HEPH: variants seen among roughly 807,000 people sequenced by gnomAD.
HEPH encodes the protein hephaestin.
Under a neutral mutation model 80.8 loss-of-function variants are expected in HEPH, and 69 were observed. The ratio of observed to expected loss-of-function variants is 0.85; its 90% CI spans 0.70 to 1.04. The LOEUF (loss-of-function observed/expected upper bound fraction) is 1.04, where lower values mean the gene tolerates loss of function less well. Among genes scored for constraint, HEPH ranks in the 50% least tolerant of loss-of-function variants. The pLI is 0.00. For synonymous variants in HEPH, 431 were observed against 322.8 expected (o/e 1.34, Z -3.60); for missense variants, 1,115 against 891.3 (o/e 1.25, Z -3.20).
intron 9 of HEPH, among the ~76,000 whole-genome samples, chrX:66,197,180 T>TTA (rs759936701): frequency 1.0e-4 from 11 of 110,162 alleles, no homozygotes; most frequent in South Asian, 3.8e-4. Flanking sequence ...CCTTAGTGTT[T>TTA]TATATATATA....
At chrX:66,259,085 A>G (rs2091274071) in intron 18 of HEPH, 106 bp downstream of exon 18, 13 of 606,128 alleles carry the variant, frequency 2.1e-5, no homozygotes, top group Non-Finnish European at 3.1e-5. Flanking sequence ...TTAGTTAAAG[A>G]GCAGAGGTCT....
chrX:66,193,146 G>A (rs914169261), intron 7 of HEPH, among the ~76,000 whole-genome samples: 13 of 111,040 alleles, frequency 1.2e-4, no homozygotes, highest in Non-Finnish European at 2.5e-4. Flanking sequence ...ATTAAGGACA[G>A]ATGTAGACTA....
intron 15 of HEPH, among the ~76,000 whole-genome samples, chrX:66,248,582 G>A (rs1210310696): frequency 8.9e-6 from 1 of 112,216 alleles, no homozygotes. Context: ...AATTAATAAT[G>A]AAAAAACTTG....
In HEPH at chrX:66,197,873, C is replaced by T; in HGVS notation, c.1692C>T (p.Ala564=). 8.3e-7 allele frequency: 1 copy of T among 1,202,026 alleles called. No individual in the cohort carries two copies. The highest frequency in any genetic ancestry group is 1.7e-5 in the African/African-American group (1 of 57,716). ...VGPLLVCRAG[A]LGADGKQKGV... is the part of the protein sequence containing the mutation. ...CGCTGCTGGTGTGCAGGGCTGGTGC[C>T]TTGGGTGCAGATGGCAAGCAGGTAT... The change falls in exon 10 of 21, where the codon GCC becomes GCT. Residue 564 remains alanine (A), a synonymous_variant. Coordinates refer to ENST00000343002, the MANE Select transcript of HEPH (RefSeq NM_001367233.3).
Position 66,256,459 on chromosome X carries a change from G to T in HEPH, c.2896+129G>T. On this transcript the variant is annotated intron_variant, in intron 17 of 20. Transcript: ENST00000343002. ...GACACGAACATGGGAAGGTGAAATGGGGATGAGTTAGAAGAAGCATTTCCT... is the reference window on the plus strand; with the variant it reads ...GACACGAACATGGGAAGGTGAAATGTGGATGAGTTAGAAGAAGCATTTCCT... The T allele has an allele frequency of 6.3e-6, 3 of 476,317 alleles. No individual in the cohort carries two copies. In the East Asian group the frequency reaches 1.1e-4, roughly 18 times the overall value. 39.3% of individuals were successfully genotyped at this position (476,317 alleles called of 1,213,427 possible).
At chrX:66,248,593 T>C (rs2090897506) in intron 15 of HEPH, among the ~76,000 whole-genome samples, 1 of 112,348 alleles carries the variant, frequency 8.9e-6, no homozygotes, top group African/African-American at 3.2e-5. Flanking sequence ...AAAAAACTTG[T>C]ATGCTGAGGT....
intron 15 of HEPH, among the ~76,000 whole-genome samples, chrX:66,252,999 T>C (rs1262093500): frequency 1.8e-5 from 2 of 112,239 alleles, no homozygotes; most frequent in East Asian, 5.6e-4. Context: ...GCTATAAAAC[T>C]TTTAGAAGAA....
intron 15 of HEPH, among the ~76,000 whole-genome samples, chrX:66,241,425 A>G (rs2090576202): frequency 8.9e-6 from 1 of 111,926 alleles, no homozygotes; most frequent in African/African-American, 3.2e-5. Flanking sequence ...ATCTATCAAG[A>G]AAACAGAAAA....
chrX:66,195,600 A>G (rs2088045471), intron 9 of HEPH, among the ~76,000 whole-genome samples: 1 of 111,312 alleles, frequency 9.0e-6, no homozygotes, highest in African/African-American at 3.3e-5. Context: ...TGGTTTGTAC[A>G]GTTTTGCATC....
chrX:66,172,352 C>T lies in HEPH; in HGVS notation c.168-3C>T, dbSNP rs780180201. ...AATTATGACTCTTTTTCTTCTTTCC[C>T]AGAGTGGCTTCCAGCTTCTTAAAGT... is the stretch of plus-strand genomic sequence containing the variant. On this transcript the variant is annotated splice_polypyrimidine_tract_variant and splice_region_variant and intron_variant, in intron 2 of 20. Transcript: ENST00000343002. The T allele has an allele frequency of 2.6e-5, 31 of 1,181,411 alleles. No individual in the cohort carries two copies. In the South Asian group the frequency reaches 2.9e-4, roughly 11 times the overall value.
chrX:66,254,419 A>G (rs921422864), intron 15 of HEPH, among the ~76,000 whole-genome samples: 3 of 111,779 alleles, frequency 2.7e-5, no homozygotes, highest in Non-Finnish European at 5.6e-5. Flanking sequence ...CTGAGAGCAC[A>G]GATTGGGAAA....
intron 15 of HEPH, among the ~76,000 whole-genome samples, chrX:66,224,478 G>A (rs764944611): frequency 1.1e-3 from 129 of 112,382 alleles, no homozygotes; most frequent in African/African-American, 4.1e-3. Flanking sequence ...AGTGGTTAAT[G>A]TTAAATCATC....
At chrX:66,213,925 G>T (rs748693731) in intron 15 of HEPH, among the ~76,000 whole-genome samples, 3 of 112,383 alleles carry the variant, frequency 2.7e-5, no homozygotes, top group East Asian at 5.6e-4. Context: ...AGACAAGAAA[G>T]ATGTTAATTT....
Position 66,206,877 on chromosome X carries a change from C to T in HEPH, c.2292-318C>T, listed in dbSNP as rs1457586746. Among the ~76,000 whole-genome samples the T allele has an allele frequency of 3.6e-4, 39 of 109,134 alleles. No individual in the cohort carries two copies. In the Admixed American group the frequency reaches 3.6e-3, roughly 10 times the overall value. 94.8% of individuals were successfully genotyped at this position (109,134 alleles called of 115,157 possible). ...CTAAAAAATACAAAAAGTAGCCGGGCGTGGTGGCGCATGCCTGTAATCCCA... is the reference window on the plus strand; with the variant it reads ...CTAAAAAATACAAAAAGTAGCCGGGTGTGGTGGCGCATGCCTGTAATCCCA... On this transcript the variant is annotated intron_variant, in intron 13 of 20. Transcript: ENST00000343002.
intron 15 of HEPH, among the ~76,000 whole-genome samples, chrX:66,243,059 C>T (rs1486846788): frequency 9.0e-6 from 1 of 111,625 alleles, no homozygotes; most frequent in South Asian, 3.7e-4. Context: ...AGACACCTGA[C>T]GTGCATATTC....
chrX:66,217,092 G>A (rs1336057510), intron 15 of HEPH, among the ~76,000 whole-genome samples: 2 of 111,082 alleles, frequency 1.8e-5, no homozygotes, highest in East Asian at 5.7e-4. Flanking sequence ...AAATCTAAAA[G>A]TTTGGAAAAC....
chrX:66,232,431 A>C (rs1250004721), intron 15 of HEPH, among the ~76,000 whole-genome samples: 1 of 111,746 alleles, frequency 8.9e-6, no homozygotes, highest in Non-Finnish European at 1.9e-5. Flanking sequence ...TAAAAATCCA[A>C]CCTAGTTATG....
intron 15 of HEPH, among the ~76,000 whole-genome samples, chrX:66,253,796 G>T (rs754678441): frequency 5.6e-4 from 62 of 111,349 alleles, no homozygotes; most frequent in Admixed American, 1.6e-3. Flanking sequence ...CTACAAAGGG[G>T]GTGGACAATG....
intron 15 of HEPH, among the ~76,000 whole-genome samples, chrX:66,223,134 A>G (rs1419394157): frequency 9.0e-6 from 1 of 111,314 alleles, no homozygotes; most frequent in Non-Finnish European, 1.9e-5. Context: ...TTTGATAAGA[A>G]GGTGATCTTC....
Sources: allele counts gnomAD v4.1 joint callset (sites outside exome capture counted in the v4.1 genomes callset), GRCh38; gene constraint gnomAD v4.1.1; transcripts MANE v1.5; gene names NCBI Gene and HGNC (gene_info 2026-07-23, HGNC 2026-07-21).